Variants in CFAP47 observed in about 807,000 individuals in gnomAD.
CFAP47 encodes the protein cilia and flagella associated protein 47.
CFAP47 carries 29 observed loss-of-function variants against 148.1 expected under a neutral mutation model. That is an observed-to-expected ratio of 0.20 (90% CI 0.15 to 0.27). The LOEUF (loss-of-function observed/expected upper bound fraction) is 0.27. Ranked by LOEUF, CFAP47 falls within the 10% of genes least tolerant of loss-of-function variation. CFAP47 has a pLI of 1.00. For missense variants in CFAP47, 1,872 were observed against 1,697.5 expected (o/e 1.10, Z -1.81); for synonymous variants, 664 against 577.3 (o/e 1.15, Z -2.15).
At chrX:36,308,718 CAGCTGATT>C (rs1556009339) in intron 55 of CFAP47, among the ~76,000 whole-genome samples, 1 of 111,257 alleles carries the variant, frequency 9.0e-6, no homozygotes, top group Non-Finnish European at 1.9e-5. Flanking sequence ...CTGACACACA[CAGCTGATT>C]AGCTGATGAA....
In CFAP47 at chrX:36,103,292, G is replaced by A. The variant is rs185704339; in HGVS notation, c.5128-1207G>A. On this transcript the variant is annotated intron_variant, in intron 32 of 63. Transcript: ENST00000378653. ...ACAGTTGTGGTTTCAATCAGGTTTCGCTGTGGGCAACTGAAGCTCAATGCC... is the reference window on the plus strand; with the variant it reads ...ACAGTTGTGGTTTCAATCAGGTTTCACTGTGGGCAACTGAAGCTCAATGCC... Among the ~76,000 whole-genome samples the A allele has an allele frequency of 7.0e-3, 753 of 107,704 alleles. 3 individuals are homozygous for A. Among genetic ancestry groups the A allele is most frequent in the African/African-American group, 0.023 (678 of 29,636 alleles). The allele number at this position is 107,704 out of a possible 115,157, so 93.5% of individuals were successfully genotyped here. A position where few individuals can be genotyped will look rare whatever the true frequency, so the allele number is the denominator to read the frequency against.
At chrX:35,924,467 CTA>C (rs1239680571) in intron 1 of CFAP47, among the ~76,000 whole-genome samples, 2 of 101,215 alleles carry the variant, frequency 2.0e-5, no homozygotes, top group African/African-American at 3.7e-5. Flanking sequence ...ATAGGTGCAC[CTA>C]TATGTGTATA....
chrX:36,333,518 C>T (rs1941581221), intron 57 of CFAP47, among the ~76,000 whole-genome samples: 1 of 111,112 alleles, frequency 9.0e-6, no homozygotes, highest in Non-Finnish European at 1.9e-5. Flanking sequence ...TCCTAAAAAT[C>T]TCTAGTTTTG....
chrX:36,185,975 TG>T (rs1555985548), intron 40 of CFAP47, among the ~76,000 whole-genome samples: 1 of 111,581 alleles, frequency 9.0e-6, no homozygotes, highest in Non-Finnish European at 1.9e-5. Context: ...CATATAAATT[TG>T]GGGGTGAAGG....
At chrX:36,279,056 A>T (rs1569307025) in intron 49 of CFAP47, among the ~76,000 whole-genome samples, 3 of 111,260 alleles carry the variant, frequency 2.7e-5, no homozygotes, top group Non-Finnish European at 3.8e-5. Context: ...TTAAAATATT[A>T]TTTTTTTTCC....
At chrX:36,360,813 C>A (rs782712269) in intron 60 of CFAP47, among the ~76,000 whole-genome samples, 3 of 111,926 alleles carry the variant, frequency 2.7e-5, no homozygotes, top group African/African-American at 9.7e-5. Context: ...TCTGTATACT[C>A]CAACACTAAA....
At chrX:36,163,414 T>G (rs1036316533) in intron 39 of CFAP47, among the ~76,000 whole-genome samples, 14 of 111,395 alleles carry the variant, frequency 1.3e-4, no homozygotes. Context: ...CTTTTTTGGA[T>G]ATTAATTATT....
chrX:36,184,627 T>TA (rs782121626), intron 40 of CFAP47, among the ~76,000 whole-genome samples: 22 of 111,677 alleles, frequency 2.0e-4, no homozygotes, highest in African/African-American at 6.8e-4. Flanking sequence ...TGATTTTTGT[T>TA]AAAAAAATAA....
intron 26 of CFAP47, among the ~76,000 whole-genome samples, chrX:36,049,032 A>G (rs1275858820): frequency 9.0e-6 from 1 of 111,247 alleles, no homozygotes; most frequent in Non-Finnish European, 1.9e-5. Flanking sequence ...GAACCAGGAG[A>G]GTGTGATGTT....
chrX:36,288,668 A>G (rs1478546465), intron 51 of CFAP47, among the ~76,000 whole-genome samples: 1 of 112,025 alleles, frequency 8.9e-6, no homozygotes, highest in Non-Finnish European at 1.9e-5. Context: ...TCCACAAACT[A>G]GCAAAAGAGA....
chrX:36,149,065 T>A, intron 36 of CFAP47, 43 bp from the exon 37 acceptor site: 1 of 290,605 alleles, frequency 3.4e-6, no homozygotes, highest in Non-Finnish European at 6.0e-6. Context: ...GCATAGTTTT[T>A]AATTTTATAA....
At chrX:36,051,167 C>T (rs748796176) in intron 26 of CFAP47, among the ~76,000 whole-genome samples, 22 of 111,626 alleles carry the variant, frequency 2.0e-4, no homozygotes, top group Admixed American at 1.7e-3. Flanking sequence ...ACACAGAGTC[C>T]CCACTGGGGC....
chrX:36,012,522 G>A (rs750864527), intron 21 of CFAP47, among the ~76,000 whole-genome samples: 101 of 111,652 alleles, frequency 9.0e-4, no homozygotes, highest in African/African-American at 3.2e-3. Context: ...GCAGGGACAC[G>A]GATGAAGCTG....
intron 32 of CFAP47, 91 bp from the exon 33 acceptor site, chrX:36,104,408 C>A: frequency 2.6e-6 from 1 of 386,876 alleles, no homozygotes; most frequent in Non-Finnish European, 4.5e-6. Flanking sequence ...CCTCTTTAAT[C>A]TCCTGTCATG....
chrX:36,172,703 G>A (rs1189592643), intron 39 of CFAP47, among the ~76,000 whole-genome samples: 1 of 111,629 alleles, frequency 9.0e-6, no homozygotes, highest in Non-Finnish European at 1.9e-5. Context: ...CGGTTTGCCA[G>A]TATTTTATTG....
chrX:36,350,506 A>G (rs1173009786), intron 59 of CFAP47, among the ~76,000 whole-genome samples: 1 of 110,571 alleles, frequency 9.0e-6, no homozygotes, highest in Non-Finnish European at 1.9e-5. Context: ...TCTAAGAACT[A>G]TGCTGTGGAG....
chrX:35,933,845 G>A (rs1007299249), intron 2 of CFAP47, among the ~76,000 whole-genome samples: 1 of 111,878 alleles, frequency 8.9e-6, no homozygotes, highest in African/African-American at 3.3e-5. Context: ...ATTTTTTCAT[G>A]TGACTATTTG....
intron 49 of CFAP47, among the ~76,000 whole-genome samples, chrX:36,274,291 G>A (rs1170915064): frequency 8.9e-6 from 1 of 111,836 alleles, no homozygotes; most frequent in Admixed American, 9.5e-5. Flanking sequence ...TGAGAGCACA[G>A]ATGGTCCTGG....
At chrX:36,103,535 C>T (rs1464017056) in intron 32 of CFAP47, among the ~76,000 whole-genome samples, 3 of 96,305 alleles carry the variant, frequency 3.1e-5, no homozygotes, top group African/African-American at 1.2e-4. Context: ...AAAAACATCC[C>T]TCAAGCAGAG....
Sources: gnomAD v4.1 joint callset for allele counts (sites outside exome capture counted in the v4.1 genomes callset) on GRCh38, gnomAD v4.1.1 for gene constraint, MANE v1.5 for transcripts, NCBI Gene and HGNC (gene_info 2026-07-23, HGNC 2026-07-21) for gene names.